PRR16: variants seen among roughly 807,000 people sequenced by gnomAD.
PRR16 encodes the protein proline rich 16.
In PRR16, 6 loss-of-function variants were observed where a neutral mutation model predicts 18.2. That is an observed-to-expected ratio of 0.33 (90% CI 0.18 to 0.65). PRR16 has a LOEUF of 0.65. PRR16 is among the 30% of genes least tolerant of loss of function. The pLI is 0.74. For synonymous variants in PRR16, 151 were observed against 147.8 expected (o/e 1.02, Z -0.16); for missense variants, 412 against 376.6 (o/e 1.09, Z -0.78).
At chr5:120,621,518 A>C (rs1434744296) in intron 1 of PRR16, among the ~76,000 whole-genome samples, 1 of 152,036 alleles carries the variant, frequency 6.6e-6, no homozygotes, top group Non-Finnish European at 1.5e-5. Flanking sequence ...CACTTGATAA[A>C]ATTAGGCTTT....
intron 1 of PRR16, among the ~76,000 whole-genome samples, chr5:120,639,093 CAAAT>C: frequency 6.6e-6 from 1 of 152,020 alleles, no homozygotes; most frequent in Non-Finnish European, 1.5e-5. Flanking sequence ...TAACTCAGAA[CAAAT>C]GAATGACATT....
chr5:120,786,699 G>C, the PRR16 span, among the ~76,000 whole-genome samples: 8 of 151,718 alleles, frequency 5.3e-5, no homozygotes, highest in South Asian at 1.7e-3. Flanking sequence ...TGTCTGTTTA[G>C]AAAAATTTTT....
At chr5:120,550,725 C>T (rs555659401) in intron 1 of PRR16, among the ~76,000 whole-genome samples, 2 of 152,092 alleles carry the variant, frequency 1.3e-5, no homozygotes, top group South Asian at 2.1e-4. Flanking sequence ...CCATTTCCAC[C>T]ATTATTTTGT....
At chr5:120,586,410 T>C (rs1753444868) in intron 1 of PRR16, among the ~76,000 whole-genome samples, 1 of 152,214 alleles carries the variant, frequency 6.6e-6, no homozygotes, top group African/African-American at 2.4e-5. Context: ...ATTCACTTTT[T>C]TGTGCTTCAG....
intron 1 of PRR16, among the ~76,000 whole-genome samples, chr5:120,487,288 G>A (rs1319575731): frequency 6.6e-6 from 1 of 152,164 alleles, no homozygotes; most frequent in African/African-American, 2.4e-5. Flanking sequence ...AGCATGGAAT[G>A]TTCTTCCATT....
At chr5:120,793,246 T>C in the PRR16 span, among the ~76,000 whole-genome samples, 1 of 152,104 alleles carries the variant, frequency 6.6e-6, no homozygotes, top group Non-Finnish European at 1.5e-5. Context: ...CGTAGTTCCT[T>C]GTTAATGGAA....
At chr5:120,509,907 A>T (rs1313397516) in intron 1 of PRR16, among the ~76,000 whole-genome samples, 2 of 152,060 alleles carry the variant, frequency 1.3e-5, no homozygotes. Flanking sequence ...TTTTTCTGCG[A>T]CGTGATCCCA....
chr5:120,732,202 T>C, the PRR16 span, among the ~76,000 whole-genome samples: 2 of 152,214 alleles, frequency 1.3e-5, no homozygotes, highest in South Asian at 2.1e-4. Flanking sequence ...GTAAGAATTA[T>C]AATGAACAAT....
chr5:120,688,132 G>A (rs955150513), downstream of PRR16, among the ~76,000 whole-genome samples: 42 of 152,258 alleles, frequency 2.8e-4, no homozygotes, highest in African/African-American at 9.1e-4. Flanking sequence ...GCCTTCAATC[G>A]TATTTCTTTC....
intron 1 of PRR16, among the ~76,000 whole-genome samples, chr5:120,506,960 A>G (rs556604692): frequency 6.6e-6 from 1 of 152,130 alleles, no homozygotes; most frequent in Non-Finnish European, 1.5e-5. Flanking sequence ...TCTGGCCTCA[A>G]TAGAAGAAGG....
chr5:120,464,298 G>C (rs1250626543), upstream of PRR16: 10 of 435,692 alleles, frequency 2.3e-5, no homozygotes, highest in Non-Finnish European at 2.2e-5. Context: ...CCGCGTCTCG[G>C]GAGTTGATGG....
the PRR16 span, among the ~76,000 whole-genome samples, chr5:120,743,491 T>C: frequency 6.6e-6 from 1 of 152,206 alleles, no homozygotes; most frequent in Non-Finnish European, 1.5e-5. Flanking sequence ...TCAGAGTTAT[T>C]GTTCTGTCTT....
chr5:120,651,543 A>C (rs570960256), intron 1 of PRR16, among the ~76,000 whole-genome samples: 2 of 152,338 alleles, frequency 1.3e-5, no homozygotes, highest in African/African-American at 4.8e-5. Context: ...AGCTTTCTGC[A>C]TATGGCTAGC....
intron 1 of PRR16, among the ~76,000 whole-genome samples, chr5:120,665,890 G>A (rs1221481432): frequency 1.6e-4 from 24 of 151,864 alleles, no homozygotes; most frequent in Non-Finnish European, 2.5e-4. Flanking sequence ...GTCAGGTAGC[G>A]TGATGCCTCC....
chr5:120,620,102 T>C (rs961750178), intron 1 of PRR16, among the ~76,000 whole-genome samples: 1 of 152,132 alleles, frequency 6.6e-6, no homozygotes, highest in Non-Finnish European at 1.5e-5. Flanking sequence ...AGATTCACAA[T>C]AAATTGGCAA....
At chr5:120,742,681 T>C in the PRR16 span, among the ~76,000 whole-genome samples, 1 of 152,168 alleles carries the variant, frequency 6.6e-6, no homozygotes, top group Non-Finnish European at 1.5e-5. Context: ...TTGTTTCTCC[T>C]TTCTGCTTTA....
intron 1 of PRR16, among the ~76,000 whole-genome samples, chr5:120,645,590 G>A (rs1480355695): frequency 6.6e-6 from 1 of 152,036 alleles, no homozygotes; most frequent in African/African-American, 2.4e-5. Context: ...ATATAAGTAT[G>A]ATATTTGCTG....
At chr5:120,550,619 C>T (rs1752223902) in intron 1 of PRR16, among the ~76,000 whole-genome samples, 1 of 151,976 alleles carries the variant, frequency 6.6e-6, no homozygotes, top group East Asian at 1.9e-4. Flanking sequence ...AATCCTGGTG[C>T]TGTTATGGAG....
At chr5:120,774,644 G>C in the PRR16 span, among the ~76,000 whole-genome samples, 1 of 151,886 alleles carries the variant, frequency 6.6e-6, no homozygotes, top group Non-Finnish European at 1.5e-5. Context: ...GAATTAACTT[G>C]GAAGGGAGAA....
Sources: allele counts gnomAD v4.1 joint callset (sites outside exome capture counted in the v4.1 genomes callset), GRCh38; gene constraint gnomAD v4.1.1; transcripts MANE v1.5; gene names NCBI Gene and HGNC (gene_info 2026-07-23, HGNC 2026-07-21).